COQ8B: variants seen among roughly 807,000 people sequenced by gnomAD.
COQ8B encodes coenzyme Q8B.
A neutral mutation model predicts 62.0 loss-of-function variants in COQ8B; 44 were observed. The ratio of observed to expected loss-of-function variants is 0.71; its 90% CI spans 0.56 to 0.91. The LOEUF (loss-of-function observed/expected upper bound fraction) is 0.91. COQ8B is among the 40% of genes least tolerant of loss of function. The pLI, the probability that COQ8B is intolerant of heterozygous loss-of-function variation, is 0.00. For missense variants in COQ8B, 649 were observed against 731.6 expected, an observed-to-expected ratio of 0.89 and a Z score of 1.30; for synonymous variants, 252 against 289.9, an observed-to-expected ratio of 0.87 and a Z score of 1.33.
At chr19:40,703,313 C>T (rs2144698723) in intron 9 of COQ8B, 1 of 534,722 alleles carries the variant, frequency 1.9e-6, no homozygotes, top group South Asian at 2.5e-5. Flanking sequence ...TGTATCTTGG[C>T]CCTGGGCTCC....
At position 40,708,697 on chromosome 19, in the gene COQ8B, CAGGG is replaced by C. The variant is rs2082118736; in HGVS notation, c.367+1358_367+1361del. On this transcript the variant is annotated intron_variant, in intron 5 of 14. Coordinates refer to ENST00000324464, the MANE Select transcript of COQ8B (RefSeq NM_024876.4). ...AATCCCAGCACTTTGGGAGGCTGAG[CAGGG>C]AGGATCACTTGAGGCTAGGAGTTCC... Among the ~76,000 whole-genome samples the C allele has an allele frequency of 2.0e-5, 3 of 152,064 alleles. No homozygotes were observed. The East Asian group carries it at 5.8e-4, about 29-fold the overall frequency.
chr19:40,705,256 G>A (rs1220249327), intron 6 of COQ8B, 69 bp downstream of exon 6: 1 of 1,591,448 alleles, frequency 6.3e-7, no homozygotes, highest in African/African-American at 1.3e-5. Context: ...TCTGAAGTTG[G>A]GGCCTGTTGG....
At chr19:40,710,422 G>A (rs564493796) in intron 4 of COQ8B, among the ~76,000 whole-genome samples, 23 of 152,108 alleles carry the variant, frequency 1.5e-4, no homozygotes, top group African/African-American at 5.5e-4. Flanking sequence ...AATTTTTTTT[G>A]TATTTTTAGT....
chr19:40,691,939 A>G lies in COQ8B; in HGVS notation c.*96T>C, dbSNP rs923811673. The G allele has an allele frequency of 1.2e-5, 15 of 1,222,654 alleles. No individual in the cohort carries two copies. Among genetic ancestry groups the G allele is most frequent in the South Asian group, 2.1e-5 (1 of 47,778 alleles). 75.7% of individuals were successfully genotyped at this position (1,222,654 alleles called of 1,614,324 possible). ...GAGCCAGGCAAGACTGGGAAGCCCA[A>G]GGGGGCTCCTCTGACCCAGGGCAGA... On this transcript the variant is annotated 3_prime_UTR_variant, in exon 15 of 15. Transcript: ENST00000324464.
In COQ8B at chr19:40,705,518, C is replaced by T. The variant is rs560693817; in HGVS notation, c.368-71G>A. 1.0e-4 allele frequency: 147 copies of T among 1,459,110 alleles called. No homozygotes were observed. The African/African-American group carries it at 1.5e-3, about 15-fold the overall frequency. The allele number at this position is 1,459,110 out of a possible 1,614,324, so 90.4% of individuals were successfully genotyped here. On this transcript the variant is annotated intron_variant, in intron 5 of 14. Coordinates refer to ENST00000324464, the MANE Select transcript of COQ8B (RefSeq NM_024876.4). ...CTGCGGCCAGGCCCGGCGGCCCACG[C>T]CTGTAATCCCAGCACTTTGGGAGAC...
chr19:40,702,675 C>T lies in COQ8B; in HGVS notation c.818G>A (p.Ser273Asn), dbSNP rs777205523. Residue 273 changes from serine (S) to asparagine (N), a missense_variant, in exon 10 of 15, where the codon AGC becomes AAC. Coordinates refer to ENST00000324464, the MANE Select transcript of COQ8B (RefSeq NM_024876.4). ...ALPAGLFAEQ[S>N]LQALQQELAW... ...CAGCTCCTGCTGCAAGGCCTGCAGG[C>T]TCTGCTCGGCAAACAGGCCTGTGGG... 4 of 1,609,620 alleles carry T rather than the reference C, an allele frequency of 2.5e-6. No homozygotes were observed. Among genetic ancestry groups the T allele is most frequent in the Non-Finnish European group, 3.4e-6 (4 of 1,179,940 alleles).
chr19:40,715,519 C>A (rs1200569018), intron 1 of COQ8B: 1 of 985,366 alleles, frequency 1.0e-6, no homozygotes, highest in African/African-American at 1.7e-5. Flanking sequence ...ACATGGAGCC[C>A]CTCCACTTTG....
At position 40,694,916 on chromosome 19, in the gene COQ8B, G is replaced by A. The variant is rs368180885; in HGVS notation, c.1209+1073C>T. 1.4e-3 allele frequency among the ~76,000 whole-genome samples: 211 copies of A among 152,276 alleles called. 2 individuals are homozygous for A. In the South Asian group the frequency reaches 0.036, roughly 26 times the overall value. ...CTGTCCATGCTAGGTCCTCACTGTC[G>A]CCTCACTGACTATGAGTTCTGTGAG... On this transcript the variant is annotated intron_variant, in intron 13 of 14. Transcript: ENST00000324464.
At chr19:40,707,186 T>C (rs974981653) in intron 5 of COQ8B, among the ~76,000 whole-genome samples, 3 of 151,838 alleles carry the variant, frequency 2.0e-5, no homozygotes, top group Non-Finnish European at 2.9e-5. Flanking sequence ...GGAAGATCAC[T>C]TGGACCCAGG....
intron 2 of COQ8B, 46 bp downstream of exon 2, chr19:40,714,485 C>T (rs1303536819): frequency 1.2e-6 from 2 of 1,613,570 alleles, no homozygotes; most frequent in Non-Finnish European, 1.7e-6. Context: ...CCTCTGAAGT[C>T]TCCCTCAGCC....
chr19:40,695,850 T>A (rs1355989595), intron 13 of COQ8B, 139 bp downstream of exon 13: 1 of 843,010 alleles, frequency 1.2e-6, no homozygotes, highest in Non-Finnish European at 2.0e-6. Context: ...GTGCTTGGTG[T>A]GTGCTAGTTG....
At chr19:40,710,011 T>A in intron 5 of COQ8B, 48 bp downstream of exon 5, 1 of 1,602,978 alleles carries the variant, frequency 6.2e-7, no homozygotes, top group Non-Finnish European at 8.5e-7. Context: ...TTGCCCCAGG[T>A]CACACAGCAA....
intron 12 of COQ8B, among the ~76,000 whole-genome samples, chr19:40,697,847 T>TAGAGAGAGAGAGAGAGAGAGAGAGAG (rs1349238558): frequency 5.3e-5 from 3 of 56,874 alleles, no homozygotes; most frequent in African/African-American, 2.5e-4. Flanking sequence ...TATATATATA[T>TAGAGAGAGAGAGAGAGAGAGAGAGAG]ATATAGAGAG....
At chr19:40,692,827 G>A in intron 14 of COQ8B, 124 bp downstream of exon 14, 3 of 768,598 alleles carry the variant, frequency 3.9e-6, no homozygotes, top group Non-Finnish European at 6.4e-6. Flanking sequence ...CCCTCCTAGA[G>A]TCCCCCAGTC....
At chr19:40,694,134 T>C (rs1348836162) in intron 13 of COQ8B, among the ~76,000 whole-genome samples, 2 of 151,868 alleles carry the variant, frequency 1.3e-5, no homozygotes. Flanking sequence ...GTGTAAGGGG[T>C]TATCACCTCC....
chr19:40,702,321 T>C (rs1452806761), intron 10 of COQ8B, among the ~76,000 whole-genome samples: 5 of 106,418 alleles, frequency 4.7e-5, no homozygotes, highest in Admixed American at 2.5e-4. Context: ...GAGTGTGTCA[T>C]TGTGTAATTA....
chr19:40,707,636 G>T (rs907966605), intron 5 of COQ8B, among the ~76,000 whole-genome samples: 11 of 152,088 alleles, frequency 7.2e-5, no homozygotes, highest in Non-Finnish European at 1.6e-4. Flanking sequence ...TGTATTTTTA[G>T]TAGAATCAGG....
At position 40,714,098 on chromosome 19, in the gene COQ8B, G is replaced by A; in HGVS notation, c.258C>T (p.Ala86=). ...AGTTGGCCAAGCGGCTGATGCGGGAGGCAGGCACCTTGCGTTCTCGAGAGC... is the reference window on the plus strand; with the variant it reads ...AGTTGGCCAAGCGGCTGATGCGGGAAGCAGGCACCTTGCGTTCTCGAGAGC... The part of the protein sequence containing the change: ...SDRSRERKVP[A]SRISRLANFG... Residue 86 remains alanine, a synonymous_variant, in exon 4 of 15, where the codon GCC becomes GCT. Coordinates refer to ENST00000324464, the MANE Select transcript of COQ8B (RefSeq NM_024876.4). The A allele has an allele frequency of 1.2e-6, 2 of 1,614,164 alleles. No individual in the cohort carries two copies. The highest frequency in any genetic ancestry group is 1.7e-6 in the Non-Finnish European group (2 of 1,180,026).
chr19:40,708,445 T>C (rs888789470), intron 5 of COQ8B, among the ~76,000 whole-genome samples: 4 of 152,218 alleles, frequency 2.6e-5, no homozygotes, highest in Non-Finnish European at 5.9e-5. Flanking sequence ...TCTGGCTGAA[T>C]GCCCACAATC....
Sources: allele counts gnomAD v4.1 joint callset (sites outside exome capture counted in the v4.1 genomes callset), GRCh38; gene constraint gnomAD v4.1.1; transcripts MANE v1.5; gene names NCBI Gene and HGNC (gene_info 2026-07-23, HGNC 2026-07-21).